The following TMCC1 variants were observed in gnomAD, a reference collection of about 807,000 sequenced individuals.
TMCC1 encodes transmembrane and coiled-coil domains protein 1.
In TMCC1, 15 loss-of-function variants were observed where a neutral mutation model predicts 52.4. That is an observed-to-expected ratio of 0.29 (90% confidence interval 0.19 to 0.44). The LOEUF (loss-of-function observed/expected upper bound fraction) is 0.44. Among genes scored for constraint, TMCC1 ranks in the 20% least tolerant of loss-of-function variants. The pLI, the probability that TMCC1 is intolerant of heterozygous loss-of-function variation, is 1.00. For synonymous variants in TMCC1, 279 were observed against 301.9 expected (o/e 0.92, Z 0.79); for missense variants, 503 against 806.0 (o/e 0.62, Z 4.55).
chr3:129,884,366 A>C (rs1006361835), intron 1 of TMCC1, among the ~76,000 whole-genome samples: 1 of 152,146 alleles, frequency 6.6e-6, no homozygotes, highest in Non-Finnish European at 1.5e-5. Context: ...GGTGGCTCAC[A>C]CCTGTAATCC....
In TMCC1 at chr3:129,698,392, C is replaced by T. The variant is rs541418243; in HGVS notation, c.577-27128G>A. ...TTAAATTACTTCCCACTGGGTCCCA[C>T]GACACATGGGGATTATGGGAACTAC... On this transcript the variant is annotated intron_variant, in intron 4 of 6. Coordinates refer to ENST00000393238, the MANE Select transcript of TMCC1 (RefSeq NM_001017395.5). Among the ~76,000 whole-genome samples the T allele has an allele frequency of 3.9e-5, 6 of 152,238 alleles. No homozygotes were observed. In the East Asian group the frequency reaches 7.7e-4, roughly 20 times the overall value.
chr3:129,811,702 G>C (rs1250635536), intron 4 of TMCC1, among the ~76,000 whole-genome samples: 1 of 152,044 alleles, frequency 6.6e-6, no homozygotes, highest in Non-Finnish European at 1.5e-5. Flanking sequence ...CCAGCACTTT[G>C]GGAGGCTGAG....
At chr3:129,741,116 A>G (rs1162835927) in intron 4 of TMCC1, among the ~76,000 whole-genome samples, 1 of 152,184 alleles carries the variant, frequency 6.6e-6, no homozygotes, top group Non-Finnish European at 1.5e-5. Flanking sequence ...CTTTCAAGCA[A>G]AAATCATGGT....
intron 2 of TMCC1, among the ~76,000 whole-genome samples, chr3:129,859,496 G>GCCA (rs1196342904): frequency 6.6e-6 from 1 of 151,948 alleles, no homozygotes; most frequent in African/African-American, 2.4e-5. Flanking sequence ...AATTAGGTGG[G>GCCA]CATGGTGGCA....
chr3:129,680,456 C>T (rs1025352297), intron 4 of TMCC1, among the ~76,000 whole-genome samples: 8 of 152,134 alleles, frequency 5.3e-5, no homozygotes, highest in African/African-American at 1.9e-4. Flanking sequence ...GGTGACTTGT[C>T]GAAGGTCACA....
chr3:129,725,200 G>A (rs1373454317), intron 4 of TMCC1, among the ~76,000 whole-genome samples: 1 of 152,034 alleles, frequency 6.6e-6, no homozygotes, highest in Admixed American at 6.6e-5. Flanking sequence ...CGCAACCTCC[G>A]CCTCCTGGGC....
At chr3:129,864,746 A>T (rs1017032456) in intron 2 of TMCC1, among the ~76,000 whole-genome samples, 25 of 152,236 alleles carry the variant, frequency 1.6e-4, no homozygotes, top group African/African-American at 6.0e-4. Context: ...CTGTCTCACA[A>T]AACAAACAAA....
intron 4 of TMCC1, among the ~76,000 whole-genome samples, chr3:129,783,776 T>C (rs72985371): frequency 6.6e-6 from 1 of 152,170 alleles, no homozygotes; most frequent in Non-Finnish European, 1.5e-5. Context: ...TTAAATGGTC[T>C]GTCTAAAATT....
chr3:129,849,505 C>G (rs912399818), intron 2 of TMCC1, among the ~76,000 whole-genome samples: 22 of 150,512 alleles, frequency 1.5e-4, no homozygotes, highest in Middle Eastern at 6.9e-3. Context: ...TGGCTCACGC[C>G]TGTAACCCCA....
intron 4 of TMCC1, among the ~76,000 whole-genome samples, chr3:129,745,664 A>G (rs1330785081): frequency 1.3e-5 from 2 of 152,102 alleles, no homozygotes; most frequent in South Asian, 2.1e-4. Flanking sequence ...TTCTCATTTT[A>G]AAAAAGTAAG....
chr3:129,882,934 G>A (rs2061525654), intron 1 of TMCC1, among the ~76,000 whole-genome samples: 1 of 152,174 alleles, frequency 6.6e-6, no homozygotes, highest in African/African-American at 2.4e-5. Flanking sequence ...GGAGATGGAT[G>A]ATAGTGATGG....
chr3:129,680,368 T>A (rs1219229846), intron 4 of TMCC1, among the ~76,000 whole-genome samples: 1 of 152,180 alleles, frequency 6.6e-6, no homozygotes, highest in African/African-American at 2.4e-5. Context: ...ACTTGGTTAA[T>A]CCTCAAAACA....
At chr3:129,788,658 C>T (rs1276016840) in intron 4 of TMCC1, among the ~76,000 whole-genome samples, 3 of 151,522 alleles carry the variant, frequency 2.0e-5, no homozygotes, top group Non-Finnish European at 2.9e-5. Context: ...TTAGTAGAGA[C>T]GGGGTTTCAC....
chr3:129,822,984 T>C (rs1308057923), intron 4 of TMCC1, among the ~76,000 whole-genome samples: 2 of 152,182 alleles, frequency 1.3e-5, no homozygotes, highest in Non-Finnish European at 2.9e-5. Context: ...CCCAGTAAGA[T>C]GTTACTATGA....
intron 2 of TMCC1, among the ~76,000 whole-genome samples, chr3:129,843,732 T>C (rs1021766138): frequency 2.6e-5 from 4 of 152,078 alleles, no homozygotes; most frequent in African/African-American, 9.7e-5. Context: ...ATTTGTAGTT[T>C]GAAACTTCCC....
intron 1 of TMCC1, among the ~76,000 whole-genome samples, chr3:129,883,605 C>T (rs375010548): frequency 6.6e-4 from 100 of 152,304 alleles, no homozygotes; most frequent in East Asian, 1.5e-3. Context: ...CAGAGCGAGA[C>T]GCTGTCTCAA....
chr3:129,861,064 C>A (rs1371349979), intron 2 of TMCC1: 1 of 152,142 alleles, frequency 6.6e-6, no homozygotes, highest in African/African-American at 2.4e-5. Flanking sequence ...GGGACTAAGA[C>A]CTGCATGATA....
intron 2 of TMCC1, among the ~76,000 whole-genome samples, chr3:129,872,064 A>T (rs2060957706): frequency 6.6e-6 from 1 of 152,226 alleles, no homozygotes; most frequent in Non-Finnish European, 1.5e-5. Context: ...TCTGTTAAAA[A>T]TTTAATTATA....
At chr3:129,753,129 C>G (rs1179200705) in intron 4 of TMCC1, among the ~76,000 whole-genome samples, 1 of 152,200 alleles carries the variant, frequency 6.6e-6, no homozygotes, top group Non-Finnish European at 1.5e-5. Flanking sequence ...CAGAGCCAAA[C>G]CACATCAGGA....
Sources: allele counts gnomAD v4.1 joint callset (sites outside exome capture counted in the v4.1 genomes callset), GRCh38; gene constraint gnomAD v4.1.1; transcripts MANE v1.5; gene names NCBI Gene and HGNC (gene_info 2026-07-23, HGNC 2026-07-21).